The following AK3 variants were observed in gnomAD, a reference collection of about 807,000 sequenced individuals.
AK3 encodes the protein adenylate kinase 3, also known as GTP:AMP phosphotransferase AK3, mitochondrial.
In AK3, 27 loss-of-function variants were observed where a neutral mutation model predicts 23.7. The ratio of observed to expected loss-of-function variants is 1.14; its 90% CI spans 0.84 to 1.57. The LOEUF (loss-of-function observed/expected upper bound fraction) is 1.57. AK3 is among the 40% of genes most tolerant of loss of function. AK3 has a pLI of 0.00. For synonymous variants in AK3, 159 were observed against 116.0 expected (o/e 1.37, Z -2.38); for missense variants, 406 against 285.6 (o/e 1.42, Z -3.04).
chr9:4,712,385 T>A lies in AK3; in HGVS notation c.*591A>T, dbSNP rs138097887. ...AGCAAATTGAAAATTCTGAGTAAAC[T>A]GAAAGTATGCTTAACGACAAAATAA... On this transcript the variant is annotated 3_prime_UTR_variant, in exon 5 of 5. Coordinates refer to ENST00000381809, the MANE Select transcript of AK3 (RefSeq NM_016282.4). The A allele has an allele frequency of 6.6e-4, 100 of 152,302 alleles. 1 individual carries two copies. Among genetic ancestry groups the A allele is most frequent in the African/African-American group, 2.4e-3 (99 of 41,570 alleles). 9.4% of individuals were successfully genotyped at this position (152,302 alleles called of 1,614,324 possible). A position where few individuals can be genotyped will look rare whatever the true frequency, so the allele number is the denominator to read the frequency against.
In AK3 at chr9:4,726,427, C is replaced by T. The variant is rs556409622; in HGVS notation, c.152-3802G>A. Among the ~76,000 whole-genome samples, 5 of 152,134 alleles carry T rather than the reference C, an allele frequency of 3.3e-5. No homozygotes were observed. In the South Asian group the frequency reaches 8.3e-4, roughly 25 times the overall value. On this transcript the variant is annotated intron_variant, in intron 1 of 4. Transcript: ENST00000381809. ...CTAAGTTTAAGTCATATTCTAAATCCCTCGTTGCCAGTTGAATAATGCTCA... is the reference window on the plus strand; with the variant it reads ...CTAAGTTTAAGTCATATTCTAAATCTCTCGTTGCCAGTTGAATAATGCTCA...
chr9:4,720,122 G>T (rs1397544221), intron 2 of AK3, among the ~76,000 whole-genome samples: 2 of 152,010 alleles, frequency 1.3e-5, no homozygotes, highest in East Asian at 3.9e-4. Context: ...TGAAACTAAA[G>T]TCCAGCTAAA....
rs1841931677 is a variant in AK3 at position 4,722,666 on chromosome 9, T to G, written c.152-41A>C. 9 of 1,613,414 alleles carry G rather than the reference T, an allele frequency of 5.6e-6. No homozygotes were observed. In the South Asian group the frequency reaches 9.9e-5, roughly 18 times the overall value. ...GAAAAAAATCAGTAAGTGCATTTGT[T>G]TTATCCCATTCCAGGCACCTCGGAA... On this transcript the variant is annotated intron_variant, in intron 1 of 4. Coordinates refer to ENST00000381809, the MANE Select transcript of AK3 (RefSeq NM_016282.4).
chr9:4,732,063 C>A (rs1842167064), intron 1 of AK3, among the ~76,000 whole-genome samples: 1 of 152,156 alleles, frequency 6.6e-6, no homozygotes, highest in African/African-American at 2.4e-5. Context: ...GATCCTCCCA[C>A]CTCAACCTCC....
At chr9:4,728,848 T>TACACACAC (rs1305610708) in intron 1 of AK3, among the ~76,000 whole-genome samples, 10 of 26,318 alleles carry the variant, frequency 3.8e-4, no homozygotes, top group African/African-American at 4.5e-4. Context: ...TATATATATA[T>TACACACAC]ATATATATAT....
rs1033403815 is a variant in AK3 at position 4,711,405 on chromosome 9, T to C, written c.*1571A>G. On this transcript the variant is annotated 3_prime_UTR_variant, in exon 5 of 5. Coordinates refer to ENST00000381809, the MANE Select transcript of AK3 (RefSeq NM_016282.4). Reference sequence around the variant, plus strand: ...AGATTAACATTCAAATAAGGCATTATAGAAAGTTTTATAAAGAATGAAGTG... The same window carrying C: ...AGATTAACATTCAAATAAGGCATTACAGAAAGTTTTATAAAGAATGAAGTG... 2.0e-5 allele frequency: 3 copies of C among 152,780 alleles called. No individual in the cohort carries two copies. The highest frequency in any genetic ancestry group is 1.3e-4 in the Admixed American group (2 of 15,296). 9.5% of individuals were successfully genotyped at this position (152,780 alleles called of 1,614,324 possible). A position where few individuals can be genotyped will look rare whatever the true frequency, so the allele number is the denominator to read the frequency against.
intron 1 of AK3, among the ~76,000 whole-genome samples, chr9:4,733,097 C>T (rs1842192549): frequency 6.6e-6 from 1 of 152,004 alleles, no homozygotes; most frequent in Non-Finnish European, 1.5e-5. Context: ...GATCCTCCTG[C>T]CTTAGCCTCC....
intron 1 of AK3, among the ~76,000 whole-genome samples, chr9:4,740,625 G>C (rs1311554873): frequency 6.6e-6 from 1 of 152,218 alleles, no homozygotes; most frequent in Non-Finnish European, 1.5e-5. Flanking sequence ...GGACCCCCAA[G>C]AGTGGCTGCC....
intron 1 of AK3, among the ~76,000 whole-genome samples, chr9:4,724,872 T>C (rs541125193): frequency 2.6e-5 from 4 of 151,922 alleles, no homozygotes; most frequent in African/African-American, 9.7e-5. Flanking sequence ...CCAAAATAAA[T>C]GAATGAAGAA....
At chr9:4,724,959 T>C (rs1054537204) in intron 1 of AK3, among the ~76,000 whole-genome samples, 6 of 151,374 alleles carry the variant, frequency 4.0e-5, no homozygotes, top group Non-Finnish European at 8.8e-5. Flanking sequence ...ACCTCTACCA[T>C]GCATAAAAAT....
chr9:4,725,556 G>T (rs534744658), intron 1 of AK3, among the ~76,000 whole-genome samples: 1 of 151,916 alleles, frequency 6.6e-6, no homozygotes, highest in African/African-American at 2.4e-5. Context: ...ATCACCTGAG[G>T]TCAGGAGTTC....
intron 4 of AK3, among the ~76,000 whole-genome samples, chr9:4,716,512 G>A (rs1841728785): frequency 6.6e-6 from 1 of 152,196 alleles, no homozygotes; most frequent in South Asian, 2.1e-4. Flanking sequence ...TAAATAGCTT[G>A]CCTAGGGCAA....
chr9:4,728,284 T>C (rs1842063551), intron 1 of AK3, among the ~76,000 whole-genome samples: 1 of 152,058 alleles, frequency 6.6e-6, no homozygotes, highest in Non-Finnish European at 1.5e-5. Context: ...TAAAAACAAG[T>C]GTTAGGCCAG....
intron 3 of AK3, 22 bp from the exon 4 acceptor site, chr9:4,718,559 T>A: frequency 6.9e-7 from 1 of 1,448,330 alleles, no homozygotes. Flanking sequence ...TAGAAGAGAC[T>A]AGTATCAGAT....
intron 4 of AK3, among the ~76,000 whole-genome samples, chr9:4,713,550 T>TA (rs1189048094): frequency 2.6e-5 from 4 of 152,198 alleles, no homozygotes; most frequent in African/African-American, 9.7e-5. Flanking sequence ...TTTTTCTACT[T>TA]ACTCTTTTGC....
At chr9:4,726,229 G>A (rs965934754) in intron 1 of AK3, among the ~76,000 whole-genome samples, 5 of 151,988 alleles carry the variant, frequency 3.3e-5, no homozygotes, top group South Asian at 2.1e-4. Context: ...ATGATGAGGT[G>A]GCTGTGCAAT....
chr9:4,719,786 C>T (rs1361216711), intron 2 of AK3, among the ~76,000 whole-genome samples: 1 of 152,168 alleles, frequency 6.6e-6, no homozygotes, highest in Non-Finnish European at 1.5e-5. Context: ...CAGGGACTGG[C>T]CGGGCGCAGT....
chr9:4,738,754 T>G (rs535066358), intron 1 of AK3, among the ~76,000 whole-genome samples: 1 of 147,522 alleles, frequency 6.8e-6, no homozygotes, highest in South Asian at 2.1e-4. Flanking sequence ...ATAATAAATA[T>G]GCTTTACTTT....
In AK3 at chr9:4,712,830, A is replaced by G. The variant is rs1841597287; in HGVS notation, c.*146T>C. ...TATCCGAATCATTTGGCACATCCTT[A>G]GTATCCAAAATAAAATCAGTAGAAA... is the stretch of plus-strand genomic sequence containing the variant. On this transcript the variant is annotated 3_prime_UTR_variant, in exon 5 of 5. Transcript: ENST00000381809. 1 of 881,574 alleles carries G rather than the reference A, an allele frequency of 1.1e-6. No homozygotes were observed. Among genetic ancestry groups the G allele is most frequent in the East Asian group, 2.8e-5 (1 of 36,038 alleles). 54.6% of individuals were successfully genotyped at this position (881,574 alleles called of 1,614,324 possible). A position where few individuals can be genotyped will look rare whatever the true frequency, so the allele number is the denominator to read the frequency against.
Sources: allele counts gnomAD v4.1 joint callset (sites outside exome capture counted in the v4.1 genomes callset), GRCh38; gene constraint gnomAD v4.1.1; transcripts MANE v1.5; gene names NCBI Gene and HGNC (gene_info 2026-07-23, HGNC 2026-07-21).